ROBO2: variants seen among roughly 807,000 people sequenced by gnomAD.
ROBO2 encodes the protein roundabout guidance receptor 2, also known as roundabout homolog 2.
In ROBO2, 53 loss-of-function variants were observed where a neutral mutation model predicts 160.8. The observed-to-expected ratio is 0.33, with a 90% CI of 0.26 to 0.41. The LOEUF is 0.41. Among genes scored for constraint, ROBO2 ranks in the 10% least tolerant of loss-of-function variants. ROBO2 has a pLI of 1.00. For missense variants in ROBO2, 1,577 were observed against 1,722.4 expected, an observed-to-expected ratio of 0.92 and a Z score of 1.49; for synonymous variants, 664 against 611.7, an observed-to-expected ratio of 1.09 and a Z score of -1.26.
rs2070326171 is a variant in ROBO2 at position 77,363,305 on chromosome 3, T to C, written c.389-114109T>C. ...CTGCTCAAAAGCAAGAAGATTATTG[T>C]TGAAGGCACCATTTATAAACCATTT... On this transcript the variant is annotated intron_variant, in intron 2 of 25. Transcript: ENST00000461745. 2.0e-5 allele frequency among the ~76,000 whole-genome samples: 3 copies of C among 152,188 alleles called. No homozygotes were observed. In the South Asian group the frequency reaches 6.2e-4, roughly 31 times the overall value.
chr3:76,807,162 GA>G (rs946611893), intron 2 of ROBO2, among the ~76,000 whole-genome samples: 1 of 152,018 alleles, frequency 6.6e-6, no homozygotes, highest in Non-Finnish European at 1.5e-5. Flanking sequence ...GTCATTCAGA[GA>G]AATTGTAGAA....
intron 2 of ROBO2, among the ~76,000 whole-genome samples, chr3:77,207,542 C>T (rs547067345): frequency 2.3e-4 from 35 of 152,248 alleles, no homozygotes; most frequent in African/African-American, 7.5e-4. Context: ...TAGGAATGTA[C>T]ATAAGTGGAG....
intron 6 of ROBO2, among the ~76,000 whole-genome samples, chr3:77,531,644 C>T (rs535986048): frequency 2.0e-5 from 3 of 152,060 alleles, no homozygotes; most frequent in African/African-American, 7.2e-5. Flanking sequence ...CCATCTCCCA[C>T]CCCAACTTGA....
At chr3:76,886,411 A>G (rs896762552) in intron 2 of ROBO2, among the ~76,000 whole-genome samples, 4 of 151,640 alleles carry the variant, frequency 2.6e-5, no homozygotes, top group Non-Finnish European at 5.9e-5. Context: ...AAAAAAAACA[A>G]CCTTTCTGGT....
At chr3:76,288,139 A>G (rs1708619560) in intron 2 of ROBO2, among the ~76,000 whole-genome samples, 1 of 115,086 alleles carries the variant, frequency 8.7e-6, no homozygotes, top group Non-Finnish European at 1.6e-5. Flanking sequence ...TTTATAAGAT[A>G]TGAAAAAATT....
chr3:76,994,080 T>C (rs1408909851), intron 2 of ROBO2, among the ~76,000 whole-genome samples: 1 of 111,998 alleles, frequency 8.9e-6, no homozygotes, highest in African/African-American at 3.9e-5. Flanking sequence ...AACAAAGATG[T>C]GCTTTTTTTG....
chr3:76,032,727 T>C (rs1003172495), intron 2 of ROBO2, among the ~76,000 whole-genome samples: 3 of 152,174 alleles, frequency 2.0e-5, no homozygotes, highest in African/African-American at 4.8e-5. Flanking sequence ...AGAGATAGTT[T>C]GTTGTAATTT....
Position 77,123,087 on chromosome 3 carries a change from G to T in ROBO2, c.388+24747G>T, listed in dbSNP as rs571116894. Among the ~76,000 whole-genome samples the T allele has an allele frequency of 8.1e-4, 123 of 152,192 alleles. 1 individual carries two copies. The highest frequency in any genetic ancestry group is 2.8e-3 in the African/African-American group (118 of 41,524). The stretch of plus-strand genomic sequence containing the variant: ...GGATCTGAACTCTGAAAAGCAGTTT[G>T]CCAATAAAGATATTAACTCTATATG... On this transcript the variant is annotated intron_variant, in intron 2 of 25. Transcript: ENST00000461745.
chr3:76,671,125 C>G (rs923317953), intron 2 of ROBO2, among the ~76,000 whole-genome samples: 2 of 152,038 alleles, frequency 1.3e-5, no homozygotes, highest in African/African-American at 4.8e-5. Context: ...GACATGTCTT[C>G]TCTAAATAGT....
At chr3:77,354,385 T>C (rs987394433) in intron 2 of ROBO2, among the ~76,000 whole-genome samples, 2 of 152,192 alleles carry the variant, frequency 1.3e-5, no homozygotes, top group African/African-American at 4.8e-5. Context: ...TTGTTAATTT[T>C]CCTTTGCCTT....
intron 1 of ROBO2, among the ~76,000 whole-genome samples, chr3:77,044,912 CA>C (rs2064486840): frequency 6.6e-6 from 1 of 152,128 alleles, no homozygotes; most frequent in Non-Finnish European, 1.5e-5. Context: ...ATAGATCTAT[CA>C]ACCTAAATCA....
chr3:76,592,172 A>G (rs2086455602), intron 2 of ROBO2, among the ~76,000 whole-genome samples: 1 of 152,120 alleles, frequency 6.6e-6, no homozygotes, highest in Admixed American at 6.6e-5. Flanking sequence ...TACCTCTCCT[A>G]GATTAAATTA....
At chr3:77,329,265 ATCT>A (rs1244179416) in intron 2 of ROBO2, among the ~76,000 whole-genome samples, 3 of 152,248 alleles carry the variant, frequency 2.0e-5, no homozygotes, top group Non-Finnish European at 4.4e-5. Context: ...CAGCTGTAAG[ATCT>A]TCTAGACGGA....
chr3:76,582,684 A>G (rs921853610), intron 2 of ROBO2, among the ~76,000 whole-genome samples: 5 of 152,208 alleles, frequency 3.3e-5, no homozygotes, highest in African/African-American at 4.8e-5. Flanking sequence ...TTTAAGTCTT[A>G]TATTTATGGT....
chr3:77,246,950 A>G (rs936076557), intron 2 of ROBO2, among the ~76,000 whole-genome samples: 1 of 152,190 alleles, frequency 6.6e-6, no homozygotes, highest in Admixed American at 6.5e-5. Flanking sequence ...AGGCTTTACT[A>G]TTTAACTGGT....
At chr3:77,218,507 G>A (rs534699410) in intron 2 of ROBO2, among the ~76,000 whole-genome samples, 12 of 152,020 alleles carry the variant, frequency 7.9e-5, no homozygotes, top group Admixed American at 6.6e-4. Context: ...CAAGTAGCTG[G>A]TATTACAGGC....
intron 2 of ROBO2, among the ~76,000 whole-genome samples, chr3:76,700,918 G>A (rs568798808): frequency 6.6e-6 from 1 of 151,910 alleles, no homozygotes; most frequent in Non-Finnish European, 1.5e-5. Context: ...CCACTGTGTT[G>A]GACATTTTCA....
intron 2 of ROBO2, among the ~76,000 whole-genome samples, chr3:76,808,184 T>C (rs897846760): frequency 3.9e-5 from 6 of 152,122 alleles, no homozygotes; most frequent in African/African-American, 1.4e-4. Context: ...TCCAAGGATA[T>C]TTGTTGTGTT....
At chr3:77,614,794 C>G (rs911838933) in intron 21 of ROBO2, among the ~76,000 whole-genome samples, 2 of 152,146 alleles carry the variant, frequency 1.3e-5, no homozygotes, top group African/African-American at 4.8e-5. Context: ...GTAACTATCT[C>G]TCACCCACAG....
Sources: allele counts gnomAD v4.1 joint callset (sites outside exome capture counted in the v4.1 genomes callset), GRCh38; gene constraint gnomAD v4.1.1; transcripts MANE v1.5; gene names NCBI Gene and HGNC (gene_info 2026-07-23, HGNC 2026-07-21).